ROR1: variants seen among roughly 807,000 people sequenced by gnomAD.
ROR1 encodes the protein ROR family WNT receptor 1, also known as inactive tyrosine-protein kinase transmembrane receptor ROR1.
A neutral mutation model predicts 78.8 loss-of-function variants in ROR1; 19 were observed. The ratio of observed to expected loss-of-function variants is 0.24; its 90% confidence interval spans 0.17 to 0.35. The LOEUF (loss-of-function observed/expected upper bound fraction) is 0.35. ROR1 is among the 10% of genes least tolerant of loss of function. The pLI, the probability that ROR1 is intolerant of heterozygous loss-of-function variation, is 1.00. For missense variants in ROR1, 917 were observed against 1,177.8 expected, an observed-to-expected ratio of 0.78 and a Z score of 3.24; for synonymous variants, 386 against 433.6, an observed-to-expected ratio of 0.89 and a Z score of 1.36.
intron 4 of ROR1, among the ~76,000 whole-genome samples, chr1:64,122,915 G>GT (rs1229109417): frequency 6.6e-6 from 1 of 152,168 alleles, no homozygotes; most frequent in East Asian, 1.9e-4. Context: ...TGAAGTTGAA[G>GT]TTTGACCAGT....
intron 1 of ROR1, among the ~76,000 whole-genome samples, chr1:64,000,102 C>T (rs1266796341): frequency 6.6e-6 from 1 of 151,902 alleles, no homozygotes; most frequent in African/African-American, 2.4e-5. Flanking sequence ...ATGGCAAACT[C>T]CATAAGACAA....
At chr1:63,813,241 T>C (rs2100272616) in intron 1 of ROR1, among the ~76,000 whole-genome samples, 1 of 152,308 alleles carries the variant, frequency 6.6e-6, no homozygotes, top group Admixed American at 6.5e-5. Flanking sequence ...AAAAACAAAA[T>C]AGGTAAGTTT....
intron 7 of ROR1, among the ~76,000 whole-genome samples, chr1:64,148,204 A>G (rs1355010887): frequency 6.6e-6 from 1 of 152,204 alleles, no homozygotes; most frequent in African/African-American, 2.4e-5. Flanking sequence ...TATACCCAAG[A>G]AAGAAAACTG....
Position 64,051,764 on chromosome 1 carries a change from C to T in ROR1, c.482+1048C>T, listed in dbSNP as rs1646834838. 2.0e-5 allele frequency among the ~76,000 whole-genome samples: 3 copies of T among 151,208 alleles called. No individual in the cohort carries two copies. The South Asian group carries it at 6.2e-4, about 31-fold the overall frequency. Reference sequence around the variant, plus strand: ...CCCACTTATTAAAACTCTTACTCTACAAAAAAAAATCCTCAATACTCTGTA... The same window carrying T: ...CCCACTTATTAAAACTCTTACTCTATAAAAAAAAATCCTCAATACTCTGTA... On this transcript the variant is annotated intron_variant, in intron 4 of 8. Coordinates refer to ENST00000371079, the MANE Select transcript of ROR1 (RefSeq NM_005012.4).
At chr1:64,099,857 C>T (rs893121432) in intron 4 of ROR1, among the ~76,000 whole-genome samples, 6 of 151,254 alleles carry the variant, frequency 4.0e-5, no homozygotes, top group African/African-American at 1.5e-4. Flanking sequence ...GAGTCCAAGA[C>T]CAGCTGGCCA....
At chr1:64,119,638 CAAAA>C (rs11338825) in intron 4 of ROR1, among the ~76,000 whole-genome samples, 11 of 75,488 alleles carry the variant, frequency 1.5e-4, no homozygotes, top group African/African-American at 4.0e-4. Flanking sequence ...GGCTCCGTCT[CAAAA>C]AAAAAAAAAA....
chr1:64,093,659 G>A (rs10889461), intron 4 of ROR1, among the ~76,000 whole-genome samples: 91,924 of 151,734 alleles, frequency 0.61, 29,310 homozygotes, highest in African/African-American at 0.81. Flanking sequence ...AGAAACCCCC[G>A]GTCCTGAACC....
At chr1:63,866,897 G>C (rs1362958453) in intron 1 of ROR1, among the ~76,000 whole-genome samples, 1 of 152,038 alleles carries the variant, frequency 6.6e-6, no homozygotes, top group Non-Finnish European at 1.5e-5. Flanking sequence ...TGATAGTCCA[G>C]GTTTTTTTTT....
chr1:63,880,727 G>A (rs1365165583), intron 1 of ROR1, among the ~76,000 whole-genome samples: 2 of 152,010 alleles, frequency 1.3e-5, no homozygotes, highest in East Asian at 3.9e-4. Context: ...TAGAATGTCT[G>A]GTTTTCTAGT....
At position 63,872,413 on chromosome 1, in the gene ROR1, C is replaced by T. The variant is rs146998880; in HGVS notation, c.91+97905C>T. Among the ~76,000 whole-genome samples, 929 of 151,198 alleles carry T rather than the reference C, an allele frequency of 6.1e-3. 7 individuals are homozygous for T. The highest frequency in any genetic ancestry group is 0.011 in the Non-Finnish European group (740 of 68,004). On this transcript the variant is annotated intron_variant, in intron 1 of 8. Transcript: ENST00000371079. ...GTTGGTGGCCAGGTAAGTTCTTTAA[C>T]CTCCTTTTGCTTATTTTTTTTTTCT... is the stretch of plus-strand genomic sequence containing the variant.
intron 1 of ROR1, among the ~76,000 whole-genome samples, chr1:63,911,010 T>A (rs571273939): frequency 6.6e-6 from 1 of 152,328 alleles, no homozygotes; most frequent in Non-Finnish European, 1.5e-5. Flanking sequence ...TCTCTCCAAC[T>A]TGAGAACTGC....
chr1:64,087,463 A>G (rs951543861), intron 4 of ROR1, among the ~76,000 whole-genome samples: 1 of 152,218 alleles, frequency 6.6e-6, no homozygotes, highest in Non-Finnish European at 1.5e-5. Flanking sequence ...GTTGCTGAAA[A>G]TCAGAACCAC....
chr1:63,784,813 C>T (rs766469047), intron 1 of ROR1, among the ~76,000 whole-genome samples: 51 of 152,166 alleles, frequency 3.4e-4, no homozygotes, highest in South Asian at 1.0e-3. Context: ...GGTGTGTGAT[C>T]GAAGCTACAT....
rs114251881 is a variant in ROR1, at chr1:64,141,016, G to T, written c.928+590G>T. Among the ~76,000 whole-genome samples, 1,009 of 152,260 alleles carry T rather than the reference G, an allele frequency of 6.6e-3. 10 individuals carry two copies. Among genetic ancestry groups the T allele is most frequent in the African/African-American group, 0.024 (977 of 41,540 alleles). Reference sequence around the variant, plus strand: ...CCATATAGACAGAATTCAGATTAGCGGTTACCAGGGGCCAGGCTAGGGGTA... The same window carrying T: ...CCATATAGACAGAATTCAGATTAGCTGTTACCAGGGGCCAGGCTAGGGGTA... On this transcript the variant is annotated intron_variant, in intron 6 of 8. Coordinates refer to ENST00000371079, the MANE Select transcript of ROR1 (RefSeq NM_005012.4).
intron 8 of ROR1, among the ~76,000 whole-genome samples, chr1:64,166,223 T>C (rs1650085283): frequency 6.6e-6 from 1 of 152,248 alleles, no homozygotes; most frequent in South Asian, 2.1e-4. Context: ...TCCATTGTTC[T>C]ATGTGTCTGT....
At chr1:63,787,121 A>T (rs901251144) in intron 1 of ROR1, among the ~76,000 whole-genome samples, 1 of 152,098 alleles carries the variant, frequency 6.6e-6, no homozygotes, top group Admixed American at 6.5e-5. Context: ...CCTCCCTGGC[A>T]TATCCAGCTC....
chr1:63,782,020 G>A (rs905613274), intron 1 of ROR1, among the ~76,000 whole-genome samples: 7 of 152,144 alleles, frequency 4.6e-5, no homozygotes, highest in Admixed American at 3.3e-4. Flanking sequence ...GAACTATAGC[G>A]CTCCTAGAAC....
At position 64,170,098 on chromosome 1, in the gene ROR1, C is replaced by G. The variant is rs181364466; in HGVS notation, c.1387-7330C>G. Among the ~76,000 whole-genome samples, 560 of 152,316 alleles carry G rather than the reference C, an allele frequency of 3.7e-3. 3 individuals are homozygous for G. The highest frequency in any genetic ancestry group is 0.012 in the Admixed American group (188 of 15,302). ...TTCTGGGGTCTGGAGGACAGTGGCT[C>G]TCTTCTCACAGGTCCACTAGGCAGT... On this transcript the variant is annotated intron_variant, in intron 8 of 8. Coordinates refer to ENST00000371079, the MANE Select transcript of ROR1 (RefSeq NM_005012.4).
Position 63,827,009 on chromosome 1 carries a change from A to G in ROR1, c.91+52501A>G, listed in dbSNP as rs192777834. ...CTGTGCAGCCATAACAAGGAATGAG[A>G]TCATGTCCTTTGCAGGGACATGGAT... On this transcript the variant is annotated intron_variant, in intron 1 of 8. Transcript: ENST00000371079. 6.4e-4 allele frequency among the ~76,000 whole-genome samples: 98 copies of G among 152,238 alleles called. 1 individual carries two copies. The highest frequency in any genetic ancestry group is 6.2e-3 in the Admixed American group (94 of 15,282).
Sources: allele counts gnomAD v4.1 joint callset (sites outside exome capture counted in the v4.1 genomes callset), GRCh38; gene constraint gnomAD v4.1.1; transcripts MANE v1.5; gene names NCBI Gene and HGNC (gene_info 2026-07-23, HGNC 2026-07-21).